ARMC8: variants seen among roughly 807,000 people sequenced by gnomAD.
ARMC8 encodes armadillo repeat containing 8, also known as armadillo repeat-containing protein 8.
A neutral mutation model predicts 99.3 loss-of-function variants in ARMC8; 20 were observed. That is an observed-to-expected ratio of 0.20 (90% CI 0.14 to 0.29). The LOEUF is 0.29. Ranked by LOEUF, ARMC8 falls within the 10% of genes least tolerant of loss-of-function variation. The pLI, the probability that ARMC8 is intolerant of heterozygous loss-of-function variation, is 1.00. For synonymous variants in ARMC8, 263 were observed against 278.3 expected, an observed-to-expected ratio of 0.95 and a Z score of 0.55; for missense variants, 569 against 809.5, an observed-to-expected ratio of 0.70 and a Z score of 3.60.
At chr3:138,256,483 T>C (rs2047414300) in intron 12 of ARMC8, among the ~76,000 whole-genome samples, 1 of 143,026 alleles carries the variant, frequency 7.0e-6, no homozygotes, top group South Asian at 2.4e-4. Flanking sequence ...CTATCTCGGC[T>C]CACTGCAAGC....
Position 138,264,113 on chromosome 3 carries a change from T to C in ARMC8, c.1218-18T>C. On this transcript the variant is annotated intron_variant, in intron 13 of 21. Coordinates refer to ENST00000469044, the MANE Select transcript of ARMC8 (RefSeq NM_001363941.2). ...AGTTTTGATTTCTTGTGAAGCTAAT[T>C]TTGATTATTCTTTGTAGATGTTTGC... 3.1e-6 allele frequency: 5 copies of C among 1,603,502 alleles called. No homozygotes were observed. Among genetic ancestry groups the C allele is most frequent in the Non-Finnish European group, 3.4e-6 (4 of 1,174,464 alleles).
chr3:138,286,936 G>A (rs1462883130), intron 19 of ARMC8, among the ~76,000 whole-genome samples: 2 of 152,102 alleles, frequency 1.3e-5, no homozygotes, highest in African/African-American at 4.8e-5. Flanking sequence ...CTCCAGCTCT[G>A]TCCCCTCATT....
intron 19 of ARMC8, among the ~76,000 whole-genome samples, chr3:138,288,317 A>G (rs2050616402): frequency 6.6e-6 from 1 of 152,238 alleles, no homozygotes; most frequent in South Asian, 2.1e-4. Flanking sequence ...CCAAATGCAC[A>G]TCCACCCAGT....
At chr3:138,218,998 T>C (rs1014575988) in intron 2 of ARMC8, among the ~76,000 whole-genome samples, 49 of 152,172 alleles carry the variant, frequency 3.2e-4, no homozygotes, top group African/African-American at 1.2e-3. Context: ...TGGTTCGTTG[T>C]CAATGTCTGA....
At chr3:138,250,087 A>G (rs2047054668) in intron 12 of ARMC8, among the ~76,000 whole-genome samples, 1 of 152,200 alleles carries the variant, frequency 6.6e-6, no homozygotes, top group Non-Finnish European at 1.5e-5. Flanking sequence ...ATGTGAAGAA[A>G]GCGAAGAGTG....
intron 1 of ARMC8, among the ~76,000 whole-genome samples, chr3:138,199,062 A>G (rs1223683706): frequency 6.6e-6 from 1 of 152,144 alleles, no homozygotes; most frequent in African/African-American, 2.4e-5. Context: ...TACACTGTTG[A>G]GGCCCAGATG....
intron 12 of ARMC8, chr3:138,246,910 A>G: frequency 2.4e-6 from 2 of 824,076 alleles, no homozygotes; most frequent in Non-Finnish European, 2.9e-6. Flanking sequence ...TGGTAAAGCA[A>G]AGATACTGTG....
At chr3:138,256,070 A>G (rs989163657) in intron 12 of ARMC8, among the ~76,000 whole-genome samples, 4 of 152,268 alleles carry the variant, frequency 2.6e-5, no homozygotes, top group Non-Finnish European at 4.4e-5. Flanking sequence ...ACATTGGAGC[A>G]GTGGCACAGG....
chr3:138,241,718 A>C, intron 10 of ARMC8, 65 bp from the exon 11 acceptor site: 1 of 1,329,726 alleles, frequency 7.5e-7, no homozygotes, highest in South Asian at 1.2e-5. Context: ...GAGTTGATTC[A>C]GTCACTATAT....
In ARMC8 at chr3:138,257,793, G is replaced by A. The variant is rs554131976; in HGVS notation, c.1135-5946G>A. On this transcript the variant is annotated intron_variant, in intron 12 of 21. Transcript: ENST00000469044. ...CACTTATGAGACTAAATTGCCATCC[G>A]CACCCAGCAGGTCCAGTCTCTGTTA... Among the ~76,000 whole-genome samples, 3 of 152,210 alleles carry A rather than the reference G, an allele frequency of 2.0e-5. No individual in the cohort carries two copies. The South Asian group carries it at 6.2e-4, about 32-fold the overall frequency.
chr3:138,273,814 C>T (rs531607459), intron 17 of ARMC8, among the ~76,000 whole-genome samples: 3 of 151,260 alleles, frequency 2.0e-5, no homozygotes, highest in Non-Finnish European at 3.0e-5. Flanking sequence ...ATTTTTTATG[C>T]TTCCCCCTTT....
At chr3:138,254,708 A>G (rs936707190) in intron 12 of ARMC8, among the ~76,000 whole-genome samples, 2 of 152,224 alleles carry the variant, frequency 1.3e-5, no homozygotes, top group African/African-American at 4.8e-5. Flanking sequence ...TTTCTGATGC[A>G]ATATGTTTAT....
intron 1 of ARMC8, among the ~76,000 whole-genome samples, chr3:138,194,131 C>T (rs1478281528): frequency 6.6e-6 from 1 of 151,782 alleles, no homozygotes; most frequent in Non-Finnish European, 1.5e-5. Context: ...CAACCTCCGC[C>T]TCCTGGGTTC....
At position 138,237,413 on chromosome 3, in the gene ARMC8, A is replaced by G. The variant is rs375848957; in HGVS notation, c.685+29A>G. The G allele has an allele frequency of 5.6e-6, 9 of 1,611,494 alleles. No individual in the cohort carries two copies. The highest frequency in any genetic ancestry group is 2.2e-5 in the East Asian group (1 of 44,840). On this transcript the variant is annotated intron_variant, in intron 8 of 21. Transcript: ENST00000469044. ...GGCTGGAGCTTTCAGTGGCACCTAC[A>G]TGATTTAATTGATGAACTTTTTAGA...
intron 1 of ARMC8, among the ~76,000 whole-genome samples, chr3:138,206,272 A>G (rs1373589155): frequency 6.6e-6 from 1 of 152,204 alleles, no homozygotes; most frequent in African/African-American, 2.4e-5. Flanking sequence ...TGGTTTTTTA[A>G]TTTTAATTAA....
At chr3:138,203,645 C>T (rs1021767778) in intron 1 of ARMC8, among the ~76,000 whole-genome samples, 1 of 152,178 alleles carries the variant, frequency 6.6e-6, no homozygotes, top group Non-Finnish European at 1.5e-5. Flanking sequence ...TTGCTAGAAC[C>T]TACTTACTTG....
rs1260591641 is a variant in ARMC8 at position 138,275,558 on chromosome 3, C to CA, written c.1725+1027dup. On this transcript the variant is annotated intron_variant, in intron 18 of 21. Coordinates refer to ENST00000469044, the MANE Select transcript of ARMC8 (RefSeq NM_001363941.2). ...TGGGCGGAAGAGCGAGACTCTGTCT[C>CA]AAAAAAAAAAAAATTCATTAAGCTG... Among the ~76,000 whole-genome samples, 681 of 138,842 alleles carry CA rather than the reference C, an allele frequency of 4.9e-3. 4 individuals carry two copies. Among genetic ancestry groups the CA allele is most frequent in the African/African-American group, 0.014 (511 of 37,830 alleles). 91.1% of individuals were successfully genotyped at this position (138,842 alleles called of 152,430 possible).
At chr3:138,194,218 A>G (rs868563327) in intron 1 of ARMC8, among the ~76,000 whole-genome samples, 4 of 139,154 alleles carry the variant, frequency 2.9e-5, no homozygotes, top group Admixed American at 7.3e-5. Flanking sequence ...AATTTTTTGT[A>G]TTTTTTAGTA....
chr3:138,201,392 A>T (rs1267390071), intron 1 of ARMC8, among the ~76,000 whole-genome samples: 2 of 132,512 alleles, frequency 1.5e-5, no homozygotes, highest in Admixed American at 1.6e-4. Context: ...GAGCTCTTGC[A>T]TATGTTGTGC....
Sources: gnomAD v4.1 joint callset for allele counts (sites outside exome capture counted in the v4.1 genomes callset) on GRCh38, gnomAD v4.1.1 for gene constraint, MANE v1.5 for transcripts, NCBI Gene and HGNC (gene_info 2026-07-23, HGNC 2026-07-21) for gene names.